ABCB4: variants seen among roughly 807,000 people sequenced by gnomAD.
The protein encoded by ABCB4 is ATP binding cassette subfamily B member 4.
In ABCB4, 76 loss-of-function variants were observed where a neutral mutation model predicts 145.7. The observed-to-expected ratio is 0.52, with a 90% CI of 0.43 to 0.63. ABCB4 has a LOEUF of 0.63. Among genes scored for constraint, ABCB4 ranks in the 30% least tolerant of loss-of-function variants. The pLI is 0.00. For missense variants in ABCB4, 1,234 were observed against 1,553.1 expected (o/e 0.79, Z 3.45); for synonymous variants, 517 against 566.8 (o/e 0.91, Z 1.25).
intron 18 of ABCB4, among the ~76,000 whole-genome samples, chr7:87,420,360 G>A (rs1454518599): frequency 6.6e-6 from 1 of 152,172 alleles, no homozygotes; most frequent in Non-Finnish European, 1.5e-5. Flanking sequence ...CCCCATGGCA[G>A]GATCCAGTCA....
intron 5 of ABCB4, among the ~76,000 whole-genome samples, chr7:87,453,543 C>T (rs1424653900): frequency 3.3e-5 from 5 of 150,644 alleles, no homozygotes; most frequent in Non-Finnish European, 5.9e-5. Flanking sequence ...AATCAATTTA[C>T]TAAACTTAAA....
intron 16 of ABCB4, among the ~76,000 whole-genome samples, chr7:87,424,764 T>C (rs1218447402): frequency 6.6e-6 from 1 of 152,190 alleles, no homozygotes; most frequent in African/African-American, 2.4e-5. Context: ...ATTATGTCTT[T>C]ATATTCCTAG....
At chr7:87,466,461 T>C (rs570890876) in intron 3 of ABCB4, among the ~76,000 whole-genome samples, 1 of 152,348 alleles carries the variant, frequency 6.6e-6, no homozygotes, top group South Asian at 2.1e-4. Flanking sequence ...TGGAACCAAG[T>C]TGGAAAACAC....
At chr7:87,373,536 A>C in the ABCB4 span, among the ~76,000 whole-genome samples, 1 of 152,108 alleles carries the variant, frequency 6.6e-6, no homozygotes, top group African/African-American at 2.4e-5. Context: ...TTATCTTTTA[A>C]GATCTTTTTA....
In ABCB4 at chr7:87,419,996, A is replaced by G; in HGVS notation, c.2394+2T>C. 6.2e-7 allele frequency: 1 copy of G among 1,613,788 alleles called. No homozygotes were observed. Among genetic ancestry groups the G allele is most frequent in the Non-Finnish European group, 8.5e-7 (1 of 1,179,748 alleles). ...AAGGCATTCTCCAGCGCACACTCCTACCTGTCTTAGCATTGCTTTAAAAGC... is the reference window on the plus strand; with the variant it reads ...AAGGCATTCTCCAGCGCACACTCCTGCCTGTCTTAGCATTGCTTTAAAAGC... On this transcript the variant is annotated splice_donor_variant, in intron 19 of 27. Transcript: ENST00000649586. LOFTEE classifies it high-confidence loss of function.
intron 2 of ABCB4, 149 bp from the exon 3 acceptor site, chr7:87,472,824 C>A: frequency 1.5e-6 from 1 of 681,340 alleles, no homozygotes. Context: ...TTCAGTTCAA[C>A]AAACATAGCA....
chr7:87,417,105 C>A (rs1249853609), intron 21 of ABCB4, among the ~76,000 whole-genome samples: 2 of 152,182 alleles, frequency 1.3e-5, no homozygotes, highest in Non-Finnish European at 2.9e-5. Context: ...TAAGTGCTTT[C>A]TATAGGCTCA....
At chr7:87,417,269 TA>T in intron 21 of ABCB4, 42 bp downstream of exon 21, 1 of 1,588,470 alleles carries the variant, frequency 6.3e-7, no homozygotes, top group Non-Finnish European at 8.6e-7. Flanking sequence ...AACACATGTC[TA>T]AAAACAACAC....
intron 25 of ABCB4, among the ~76,000 whole-genome samples, 180 bp from the exon 26 acceptor site, chr7:87,406,674 T>G (rs531583676): frequency 1.2e-4 from 19 of 152,338 alleles, no homozygotes; most frequent in African/African-American, 4.3e-4. Flanking sequence ...TTTATGGTGA[T>G]TAAGCCATCC....
chr7:87,386,660 G>A, the ABCB4 span, among the ~76,000 whole-genome samples: 1 of 152,170 alleles, frequency 6.6e-6, no homozygotes, highest in Non-Finnish European at 1.5e-5. Flanking sequence ...TGGAGTGTCT[G>A]CAACGAAAGG....
chr7:87,419,666 G>A (rs1809260759), intron 19 of ABCB4, among the ~76,000 whole-genome samples: 1 of 152,032 alleles, frequency 6.6e-6, no homozygotes, highest in Non-Finnish European at 1.5e-5. Flanking sequence ...GAGTCTCAAT[G>A]GACTCACCAG....
intron 12 of ABCB4, among the ~76,000 whole-genome samples, chr7:87,441,412 A>G (rs1810978706): frequency 6.6e-6 from 1 of 151,462 alleles, no homozygotes; most frequent in South Asian, 2.1e-4. Context: ...TACATTTATA[A>G]AGTTGACCAT....
chr7:87,447,055 A>C lies in ABCB4; in HGVS notation c.984T>G (p.Tyr328Ter), dbSNP rs931093296. 1 of 1,613,420 alleles carries C rather than the reference A, an allele frequency of 6.2e-7. No homozygotes were observed. The highest frequency in any genetic ancestry group is 1.7e-5 in the Admixed American group (1 of 60,010). ...YGSTLVISKEYTIGNAMTVFF... is the reference protein window; with the variant it reads ...YGSTLVISKE ...TTACTGTCATTGCATTTCCAATAGT[A>C]TATTCTTTTGATATGACTAGAGTGG... is the stretch of plus-strand genomic sequence containing the variant. Residue 328 changes from tyrosine to a stop codon, truncating the protein, a stop_gained, in exon 9 of 28, where the codon TAT (tyrosine) becomes TAG (stop). Coordinates refer to ENST00000649586, the MANE Select transcript of ABCB4 (RefSeq NM_000443.4). LOFTEE classifies it high-confidence loss of function.
the ABCB4 span, among the ~76,000 whole-genome samples, chr7:87,378,953 C>T: frequency 6.6e-6 from 1 of 152,178 alleles, no homozygotes; most frequent in African/African-American, 2.4e-5. Context: ...TGCCACAAGT[C>T]ATTTATTTTG....
the ABCB4 span, among the ~76,000 whole-genome samples, chr7:87,379,867 A>G: frequency 6.6e-6 from 1 of 152,196 alleles, no homozygotes; most frequent in East Asian, 1.9e-4. Context: ...TAATCCCAGC[A>G]CTTTGGGAGA....
At chr7:87,392,832 G>A in the ABCB4 span, 2 of 1,611,666 alleles carry the variant, frequency 1.2e-6, no homozygotes, top group African/African-American at 1.3e-5. Context: ...AGGTAATATA[G>A]TGTAGTGTTT....
At chr7:87,377,349 AT>A in the ABCB4 span, 15 of 1,581,326 alleles carry the variant, frequency 9.5e-6, no homozygotes, top group Non-Finnish European at 1.3e-5. Flanking sequence ...TTTATTTTAG[AT>A]TATTGCAGCC....
the ABCB4 span, among the ~76,000 whole-genome samples, chr7:87,373,842 A>G: frequency 7.2e-5 from 11 of 152,112 alleles, no homozygotes; most frequent in Middle Eastern, 3.2e-3. Context: ...CAAATGGTCA[A>G]TGAAAAAGAC....
chr7:87,405,526 A>G lies in ABCB4; in HGVS notation c.3486+762T>C, dbSNP rs191839384. Reference sequence around the variant, plus strand: ...ACTTTAACCTCCGTTTCTCAGGTTCAGGCGATTCTCCCGCCTCAGCCTCCT... The same window carrying G: ...ACTTTAACCTCCGTTTCTCAGGTTCGGGCGATTCTCCCGCCTCAGCCTCCT... On this transcript the variant is annotated intron_variant, in intron 26 of 27. Transcript: ENST00000649586. 4.5e-4 allele frequency among the ~76,000 whole-genome samples: 68 copies of G among 149,656 alleles called. No homozygotes were observed. The South Asian group carries it at 7.6e-3, about 17-fold the overall frequency.
Sources: gnomAD v4.1 joint callset for allele counts (sites outside exome capture counted in the v4.1 genomes callset) on GRCh38, gnomAD v4.1.1 for gene constraint, MANE v1.5 for transcripts, NCBI Gene and HGNC (gene_info 2026-07-23, HGNC 2026-07-21) for gene names.